Variants in TOR1A observed in about 807,000 individuals in gnomAD.
TOR1A encodes torsin family 1 member A, also known as torsin-1A.
Under a neutral mutation model 31.4 loss-of-function variants are expected in TOR1A, and 18 were observed. The observed-to-expected ratio is 0.57, with a 90% confidence interval of 0.40 to 0.85. TOR1A has a LOEUF of 0.85. Ranked by LOEUF, TOR1A falls within the 40% of genes least tolerant of loss-of-function variation. TOR1A has a pLI of 0.00. For synonymous variants in TOR1A, 168 were observed against 165.9 expected (o/e 1.01, Z -0.10); for missense variants, 375 against 416.4 (o/e 0.90, Z 0.87).
intron 4 of TOR1A, among the ~76,000 whole-genome samples, chr9:129,817,196 T>C (rs1228859437): frequency 6.6e-6 from 1 of 152,196 alleles, no homozygotes; most frequent in Non-Finnish European, 1.5e-5. Context: ...CTGCGAGGTA[T>C]GGTGAAGACT....
Position 129,813,126 on chromosome 9 carries a change from T to C in TOR1A, c.*846A>G, listed in dbSNP as rs2030934518. 6.6e-6 allele frequency: 1 copy of C among 150,660 alleles called. No homozygotes were observed. The highest frequency in any genetic ancestry group is 1.5e-5 in the Non-Finnish European group (1 of 67,326). The allele number at this position is 150,660 out of a possible 1,614,324, so 9.3% of individuals were successfully genotyped here. ...ATGGCAAAATTCACATAATTTAGAA[T>C]CCAGCAGAGAGCACGTGTGGGCTAT... is the stretch of plus-strand genomic sequence containing the variant. On this transcript the variant is annotated 3_prime_UTR_variant, in exon 5 of 5. Transcript: ENST00000351698.
At chr9:129,819,399 A>G (rs2131005111) in intron 2 of TOR1A, among the ~76,000 whole-genome samples, 1 of 151,990 alleles carries the variant, frequency 6.6e-6, no homozygotes, top group Admixed American at 6.5e-5. Flanking sequence ...GCAGACGGAT[A>G]AGTTGAGGTC....
At chr9:129,822,443 C>G in intron 2 of TOR1A, 138 bp downstream of exon 2, 2 of 1,228,692 alleles carry the variant, frequency 1.6e-6, no homozygotes, top group Non-Finnish European at 2.3e-6. Flanking sequence ...AACTTCTACA[C>G]CTTTCCAAGG....
At chr9:129,823,445 C>G in intron 1 of TOR1A, 1 of 281,110 alleles carries the variant, frequency 3.6e-6, no homozygotes, top group East Asian at 1.0e-4. Context: ...CCAGGCCCGG[C>G]CCTCCTGGGA....
chr9:129,823,991 C>G lies in TOR1A; in HGVS notation c.95G>C (p.Gly32Ala), dbSNP rs769898612. 3 of 1,611,232 alleles carry G rather than the reference C, an allele frequency of 1.9e-6. No homozygotes were observed. Among genetic ancestry groups the G allele is most frequent in the Admixed American group, 3.3e-5 (2 of 59,948 alleles). The change falls in exon 1 of 5, where the codon GGC becomes GCC. Residue 32 changes from glycine (G) to alanine (A), a missense_variant. Transcript: ENST00000351698. ...CGGGTAGATGTAGCCGGTGAGGACG[C>G]CGGCCAGGGCCAGTCCCAGGCTGAT... is the stretch of plus-strand genomic sequence containing the variant. ...EPISLGLALA[G>A]VLTGYIYPRL...
rs1364067121 is a variant in TOR1A, at chr9:129,822,768, A to G, written c.257T>C (p.Phe86Ser). Residue 86 changes from phenylalanine to serine, a missense_variant, in exon 2 of 5, where the codon TTC becomes TCC. By Grantham distance (155) the Phe-to-Ser change is radical. Coordinates refer to ENST00000351698, the MANE Select transcript of TOR1A (RefSeq NM_000113.3). ...KKIILNAVFGFINNPKPKKPL... is the reference protein window; with the variant it reads ...KKIILNAVFGSINNPKPKKPL... ...TTTCTTGGGCTTTGGGTTGTTTATGAAACCAAACACGGCATTTAAGATGAT... is the reference window on the plus strand; with the variant it reads ...TTTCTTGGGCTTTGGGTTGTTTATGGAACCAAACACGGCATTTAAGATGAT... 7 of 1,614,040 alleles carry G rather than the reference A, an allele frequency of 4.3e-6. No individual in the cohort carries two copies. The highest frequency in any genetic ancestry group is 1.3e-5 in the African/African-American group (1 of 74,896).
At chr9:129,822,887 C>G in intron 1 of TOR1A, 41 bp from the exon 2 acceptor site, 4 of 1,613,836 alleles carry the variant, frequency 2.5e-6, no homozygotes, top group Non-Finnish European at 3.4e-6. Flanking sequence ...GAAGAAACAG[C>G]GGCAAAATGT....
intron 3 of TOR1A, 39 bp downstream of exon 3, chr9:129,818,706 G>C: frequency 6.2e-7 from 1 of 1,613,884 alleles, no homozygotes; most frequent in South Asian, 1.1e-5. Flanking sequence ...AGAGGCTTGG[G>C]CTCGGGGCCC....
At chr9:129,815,941 G>A (rs1375095114) in intron 4 of TOR1A, among the ~76,000 whole-genome samples, 1 of 152,008 alleles carries the variant, frequency 6.6e-6, no homozygotes, top group East Asian at 1.9e-4. Context: ...CTGTGGGTCT[G>A]TCCTCCATCC....
intron 4 of TOR1A, 144 bp from the exon 5 acceptor site, chr9:129,814,366 G>T (rs1328739314): frequency 7.8e-7 from 1 of 1,277,406 alleles, no homozygotes; most frequent in Admixed American, 2.0e-5. Flanking sequence ...CACCTACTGG[G>T]GGTCACCCAC....
chr9:129,820,452 A>C (rs1277495997), intron 2 of TOR1A, among the ~76,000 whole-genome samples: 1 of 152,142 alleles, frequency 6.6e-6, no homozygotes, highest in Non-Finnish European at 1.5e-5. Context: ...GACCTCCCAA[A>C]ACCCATCACG....
At position 129,818,626 on chromosome 9, in the gene TOR1A, G is replaced by A. The variant is rs1219467592; in HGVS notation, c.642C>T (p.Ile214=). Reference sequence around the variant, plus strand: ...TCCAGAAATCCAAAGCCACATCTGTGATCCTTTCTGCTCCAGCATTGCTGC... The same window carrying A: ...TCCAGAAATCCAAAGCCACATCTGTAATCCTTTCTGCTCCAGCATTGCTGC... ...IFLSNAGAER[I]TDVALDFWRS... is the part of the protein sequence containing the mutation. The change falls in exon 4 of 5, where the codon ATC becomes ATT. Residue 214 remains isoleucine, a synonymous_variant. Transcript: ENST00000351698. 2 of 1,614,120 alleles carry A rather than the reference G, an allele frequency of 1.2e-6. No individual in the cohort carries two copies. Among genetic ancestry groups the A allele is most frequent in the Non-Finnish European group, 1.7e-6 (2 of 1,180,060 alleles).
rs1438760493 is a variant in TOR1A at position 129,818,896 on chromosome 9, C to T, written c.469G>A (p.Gly157Ser). 6.2e-7 allele frequency: 1 copy of T among 1,613,638 alleles called. No homozygotes were observed. The highest frequency in any genetic ancestry group is 8.5e-7 in the Non-Finnish European group (1 of 1,180,036). ...GACCTCGCACAGGCACTCACGTTGC[C>T]TCGAATCCACAACTGTAACTGATCC... is the stretch of plus-strand genomic sequence containing the variant. ...YKDQLQLWIR[G>S]NVSACARSIF... The change falls in exon 3 of 5, where the codon GGC becomes AGC. Residue 157 changes from glycine (G) to serine (S), a missense_variant. Physicochemically the swap from Gly to Ser is moderately conservative, Grantham distance 56. Coordinates refer to ENST00000351698, the MANE Select transcript of TOR1A (RefSeq NM_000113.3).
chr9:129,817,927 G>A lies in TOR1A; in HGVS notation c.748+593C>T, dbSNP rs538384358. 9.0e-4 allele frequency among the ~76,000 whole-genome samples: 137 copies of A among 151,964 alleles called. 1 individual carries two copies. Among genetic ancestry groups the A allele is most frequent in the African/African-American group, 3.2e-3 (131 of 41,434 alleles). ...ACCTACATGGGAAGCTGAGGCTGGA[G>A]GATCACTTGAGCCTAGGAAGTCAAG... On this transcript the variant is annotated intron_variant, in intron 4 of 4. Coordinates refer to ENST00000351698, the MANE Select transcript of TOR1A (RefSeq NM_000113.3).
intron 4 of TOR1A, 114 bp from the exon 5 acceptor site, chr9:129,814,336 T>C: frequency 6.6e-7 from 1 of 1,521,068 alleles, no homozygotes; most frequent in Non-Finnish European, 8.9e-7. Context: ...CTACTGGGGG[T>C]CACCTATCCA....
chr9:129,822,081 G>C (rs2031197281), intron 2 of TOR1A: 1 of 226,320 alleles, frequency 4.4e-6, no homozygotes, highest in Non-Finnish European at 8.9e-6. Flanking sequence ...GCCTGGCCAA[G>C]TTGGCAAAAC....
chr9:129,818,997 C>A, intron 2 of TOR1A, 77 bp from the exon 3 acceptor site: 1 of 1,522,416 alleles, frequency 6.6e-7, no homozygotes, highest in Non-Finnish European at 9.0e-7. Flanking sequence ...CACTAAGAAC[C>A]GCAGCTTCAC....
chr9:129,816,101 C>T (rs905357515), intron 4 of TOR1A, among the ~76,000 whole-genome samples: 5 of 152,124 alleles, frequency 3.3e-5, no homozygotes, highest in Non-Finnish European at 4.4e-5. Context: ...CCCCAAATCT[C>T]GCCTCTTCTA....
Position 129,822,826 on chromosome 9 carries a change from C to A in TOR1A, c.199G>T (p.Asp67Tyr), listed in dbSNP as rs750057303. The change falls in exon 2 of 5, where the codon GAC becomes TAC. Residue 67 changes from aspartate (D) to tyrosine (Y), a missense_variant. Physicochemically the swap from Asp to Tyr is radical, Grantham distance 160. Transcript: ENST00000351698. ...GCAAGATGCTGTCCAAAGAGGTTGT[C>A]GTCCAGATCCTTCTGCAGTGCTGGG... ...SREALQKDLDDNLFGQHLAKK... is the reference protein window; with the variant it reads ...SREALQKDLDYNLFGQHLAKK... The A allele has an allele frequency of 1.9e-6, 3 of 1,614,164 alleles. No homozygotes were observed. The highest frequency in any genetic ancestry group is 2.5e-6 in the Non-Finnish European group (3 of 1,180,022).
Sources: gnomAD v4.1 joint callset for allele counts (sites outside exome capture counted in the v4.1 genomes callset) on GRCh38, gnomAD v4.1.1 for gene constraint, MANE v1.5 for transcripts, NCBI Gene and HGNC (gene_info 2026-07-23, HGNC 2026-07-21) for gene names.